Variants in DYNC1H1 observed in about 807,000 individuals in gnomAD.
DYNC1H1 encodes the protein cytoplasmic dynein 1 heavy chain 1.
DYNC1H1 carries 51 observed loss-of-function variants against 527.1 expected under a neutral mutation model. The ratio of observed to expected loss-of-function variants is 0.10; its 90% CI spans 0.08 to 0.12. DYNC1H1 has a LOEUF of 0.12. DYNC1H1 is among the 10% of genes least tolerant of loss of function. The pLI is 1.00. For missense variants in DYNC1H1, 2,771 were observed against 5,971.8 expected (o/e 0.46, Z 17.66); for synonymous variants, 2,189 against 2,278.8 (o/e 0.96, Z 1.12).
rs953983292 is a variant in DYNC1H1 at position 102,011,012 on chromosome 14, G to A, written c.6618+60G>A. ...CAGACCCTGCTGGCTTTAGTGTCTGGTAATGACAACCGTGGGCCCTTCGAT... is the reference window on the plus strand; with the variant it reads ...CAGACCCTGCTGGCTTTAGTGTCTGATAATGACAACCGTGGGCCCTTCGAT... On this transcript the variant is annotated intron_variant, in intron 32 of 77. Coordinates refer to ENST00000360184, the MANE Select transcript of DYNC1H1 (RefSeq NM_001376.5). This position sits in a 1 kb window ranked among gnomAD's most constrained non-coding sequence, Gnocchi z 5.3. 8.3e-6 allele frequency: 13 copies of A among 1,568,312 alleles called. No homozygotes were observed. Among genetic ancestry groups the A allele is most frequent in the Non-Finnish European group, 1.1e-5 (13 of 1,139,110 alleles).
rs2048240085 is a variant in DYNC1H1 at position 102,010,018 on chromosome 14, G to A, written c.6153G>A (p.Gln2051=). 6.2e-7 allele frequency: 1 copy of A among 1,614,030 alleles called. No homozygotes were observed. The highest frequency in any genetic ancestry group is 2.2e-5 in the East Asian group (1 of 44,880). ...MTKPDRQLIA[Q]VMLYSQGFRT... ...AGCCCGACCGGCAGTTAATCGCCCA[G>A]GTCATGCTGTACTCACAGGGTTTCC... Residue 2051 remains glutamine (Q), a synonymous_variant, in exon 30 of 78, where the codon CAG becomes CAA. Transcript: ENST00000360184. This position sits in a 1 kb window ranked among gnomAD's most constrained non-coding sequence, Gnocchi z 6.0.
In DYNC1H1 at chr14:102,016,754, C is replaced by A. The variant is rs1193724026; in HGVS notation, c.7615-12C>A. The A allele has an allele frequency of 6.2e-7, 1 of 1,612,764 alleles. No homozygotes were observed. Among genetic ancestry groups the A allele is most frequent in the Non-Finnish European group, 8.5e-7 (1 of 1,179,580 alleles). ...GTTGCAGCCGGACTCACACTTCCATCTCCGTGTGTAGGTGTCCATCAGCGG... is the reference window on the plus strand; with the variant it reads ...GTTGCAGCCGGACTCACACTTCCATATCCGTGTGTAGGTGTCCATCAGCGG... On this transcript the variant is annotated splice_polypyrimidine_tract_variant and intron_variant, in intron 37 of 77. Transcript: ENST00000360184. The surrounding 1 kb of genome is among the most constrained non-coding windows in gnomAD (Gnocchi z 7.3).
Position 102,044,752 on chromosome 14 carries a change from C to A in DYNC1H1, c.13006+54C>A. 7.2e-7 allele frequency: 1 copy of A among 1,391,380 alleles called. No homozygotes were observed. Among genetic ancestry groups the A allele is most frequent in the Non-Finnish European group, 9.8e-7 (1 of 1,015,278 alleles). 86.2% of individuals were successfully genotyped at this position (1,391,380 alleles called of 1,614,324 possible). A position where few individuals can be genotyped will look rare whatever the true frequency, so the allele number is the denominator to read the frequency against. On this transcript the variant is annotated intron_variant, in intron 72 of 77. Transcript: ENST00000360184. This position sits in a 1 kb window ranked among gnomAD's most constrained non-coding sequence, Gnocchi z 7.1. The stretch of plus-strand genomic sequence containing the variant: ...AGGGTGGGTGGCGAGGGTCCCCTCA[C>A]GCGGGGTGGGTGGCGAGGGTCCCCA...
chr14:102,016,885 A>G lies in DYNC1H1; in HGVS notation c.7734A>G (p.Glu2578=). The change falls in exon 38 of 78, where the codon GAA becomes GAG. Residue 2578 remains glutamate (E), a synonymous_variant. Transcript: ENST00000360184. This position sits in a 1 kb window ranked among gnomAD's most constrained non-coding sequence, Gnocchi z 7.3. ...CAACGCTGGACACAGTCCGCCACGA[A>G]GCCCTCTTGTACACTTGGCTGGCCG... ...VVPTLDTVRH[E]ALLYTWLAEH... 1 of 1,614,220 alleles carries G rather than the reference A, an allele frequency of 6.2e-7. No homozygotes were observed. The highest frequency in any genetic ancestry group is 8.5e-7 in the Non-Finnish European group (1 of 1,180,040).
chr14:101,977,346 C>T (rs930452908), intron 2 of DYNC1H1, among the ~76,000 whole-genome samples: 2 of 152,082 alleles, frequency 1.3e-5, no homozygotes, highest in Non-Finnish European at 2.9e-5. Context: ...GGAAGAGTTG[C>T]GTGAATAGTA....
intron 34 of DYNC1H1, among the ~76,000 whole-genome samples, chr14:102,014,771 A>C (rs1294552392): frequency 6.6e-6 from 1 of 152,096 alleles, no homozygotes; most frequent in African/African-American, 2.4e-5. Context: ...AATGGTGAAT[A>C]CTGTAGTGAT....
chr14:101,999,513 T>C (rs924514235), intron 16 of DYNC1H1, among the ~76,000 whole-genome samples: 1 of 152,230 alleles, frequency 6.6e-6, no homozygotes, highest in Non-Finnish European at 1.5e-5. Context: ...TCAACAGTTA[T>C]TAAAATGAAA....
chr14:102,025,652 G>A lies in DYNC1H1; in HGVS notation c.8638-922G>A, dbSNP rs538924340. Among the ~76,000 whole-genome samples the A allele has an allele frequency of 5.9e-5, 9 of 151,660 alleles. No individual in the cohort carries two copies. In the South Asian group the frequency reaches 1.7e-3, roughly 28 times the overall value. ...TGTGTATTGAGTGAGCAGTGGGTCCGTTTTCAGTTCTTTCCTTATGGACAC... is the reference window on the plus strand; with the variant it reads ...TGTGTATTGAGTGAGCAGTGGGTCCATTTTCAGTTCTTTCCTTATGGACAC... On this transcript the variant is annotated intron_variant, in intron 43 of 77. Coordinates refer to ENST00000360184, the MANE Select transcript of DYNC1H1 (RefSeq NM_001376.5).
At position 102,038,663 on chromosome 14, in the gene DYNC1H1, A is replaced by G. The variant is rs1168031959; in HGVS notation, c.11056-35A>G. Reference sequence around the variant, plus strand: ...TGGCAGGATGTGGTTTTGAAACTGGATTAAGACAGACTGTTCTGTTACCTA... The same window carrying G: ...TGGCAGGATGTGGTTTTGAAACTGGGTTAAGACAGACTGTTCTGTTACCTA... On this transcript the variant is annotated intron_variant, in intron 58 of 77. Coordinates refer to ENST00000360184, the MANE Select transcript of DYNC1H1 (RefSeq NM_001376.5). The surrounding 1 kb of genome is among the most constrained non-coding windows in gnomAD (Gnocchi z 7.2). 6.2e-7 allele frequency: 1 copy of G among 1,614,208 alleles called. No homozygotes were observed. Among genetic ancestry groups the G allele is most frequent in the Non-Finnish European group, 8.5e-7 (1 of 1,180,046 alleles).
chr14:102,000,821 G>T (rs1477227463), intron 18 of DYNC1H1, 133 bp from the exon 19 acceptor site: 2 of 787,546 alleles, frequency 2.5e-6, no homozygotes, highest in East Asian at 2.6e-5. Flanking sequence ...TGATCTGCTC[G>T]CCCGGCCTCC....
At chr14:101,974,794 A>G (rs996444864) in intron 1 of DYNC1H1, among the ~76,000 whole-genome samples, 1 of 152,164 alleles carries the variant, frequency 6.6e-6, no homozygotes, top group East Asian at 1.9e-4. Flanking sequence ...CAGCCTCCCA[A>G]AGTGCTGGGA....
rs749683759 is a variant in DYNC1H1, at chr14:102,016,771, C to T, written c.7620C>T (p.Ser2540=). The change falls in exon 38 of 78, where the codon TCC becomes TCT. Residue 2540 remains serine (S), a synonymous_variant. Transcript: ENST00000360184. The surrounding 1 kb of genome is among the most constrained non-coding windows in gnomAD (Gnocchi z 7.3). ...PNIPIIDYEV[S]ISGEWSPWQA... The stretch of plus-strand genomic sequence containing the variant: ...ACTTCCATCTCCGTGTGTAGGTGTC[C>T]ATCAGCGGAGAATGGTCTCCGTGGC... The T allele has an allele frequency of 5.0e-6, 8 of 1,613,582 alleles. No individual in the cohort carries two copies. The South Asian group carries it at 8.8e-5, about 18-fold the overall frequency.
chr14:102,044,324 C>T lies in DYNC1H1; in HGVS notation c.12735C>T (p.Thr4245=), dbSNP rs1473618192. 6.2e-7 allele frequency: 1 copy of T among 1,614,232 alleles called. No homozygotes were observed. The highest frequency in any genetic ancestry group is 1.7e-5 in the Admixed American group (1 of 60,030). ...AGATCCCGTGGTCTGCACTAAAGACCTTAATGGCCCAGTCCATTTATGGCG... is the reference window on the plus strand; with the variant it reads ...AGATCCCGTGGTCTGCACTAAAGACTTTAATGGCCCAGTCCATTTATGGCG... The part of the protein sequence containing the change: ...PDKIPWSALK[T]LMAQSIYGGR... The change falls in exon 71 of 78, where the codon ACC becomes ACT. Residue 4245 remains threonine (T), a synonymous_variant. Transcript: ENST00000360184. The surrounding 1 kb of genome is among the most constrained non-coding windows in gnomAD (Gnocchi z 7.1).
chr14:102,048,141 A>C, intron 73 of DYNC1H1, 113 bp downstream of exon 73: 1 of 1,351,610 alleles, frequency 7.4e-7, no homozygotes, highest in Non-Finnish European at 1.0e-6. Context: ...GAACGTACTC[A>C]CACCGGTGTC....
chr14:101,994,528 T>G (rs578066892), intron 12 of DYNC1H1, 145 bp from the exon 13 acceptor site: 2 of 1,325,596 alleles, frequency 1.5e-6, no homozygotes, highest in Non-Finnish European at 1.0e-6. Flanking sequence ...TTTTTTGATA[T>G]GAAAATTCTG....
intron 56 of DYNC1H1, chr14:102,034,812 G>C (rs1485811648): frequency 5.5e-6 from 2 of 366,362 alleles, no homozygotes; most frequent in East Asian, 6.8e-5. Flanking sequence ...TGTAATCCCA[G>C]TTACTCAGGA....
At position 102,015,422 on chromosome 14, in the gene DYNC1H1, A is replaced by G; in HGVS notation, c.7242+90A>G. The stretch of plus-strand genomic sequence containing the variant: ...GCTGTGTTGCCCACGCTGGTCTTGA[A>G]CTCCTGGGCCCAAGCAATCCACCTG... On this transcript the variant is annotated intron_variant, in intron 35 of 77. Transcript: ENST00000360184. The surrounding 1 kb of genome is among the most constrained non-coding windows in gnomAD (Gnocchi z 6.9). 1.4e-6 allele frequency: 2 copies of G among 1,420,124 alleles called. No homozygotes were observed. Among genetic ancestry groups the G allele is most frequent in the South Asian group, 1.4e-5 (1 of 72,938 alleles). 88.0% of individuals were successfully genotyped at this position (1,420,124 alleles called of 1,614,324 possible).
chr14:102,051,172 C>T lies in DYNC1H1; in HGVS notation c.*609C>T. The T allele has an allele frequency of 5.7e-6, 1 of 175,176 alleles. No homozygotes were observed. The highest frequency in any genetic ancestry group is 1.2e-5 in the Non-Finnish European group (1 of 81,998). 10.9% of individuals were successfully genotyped at this position (175,176 alleles called of 1,614,324 possible). ...CTTGAGGGCTGAGGTGGGAGGATCA[C>T]CCAAGCCCAAGAGGTCGAGGCTGCA... On this transcript the variant is annotated 3_prime_UTR_variant, in exon 78 of 78. Transcript: ENST00000360184.
At position 102,052,972 on chromosome 14, in the gene DYNC1H1, T is replaced by C. The variant is rs2048831158; in HGVS notation, c.*2409T>C. On this transcript the variant is annotated 3_prime_UTR_variant, in exon 78 of 78. Transcript: ENST00000360184. ...TCCAGTTGGAATGACTGGGGGTGTC[T>C]TCCGAATCGCCATCATAAAGATCTA... is the stretch of plus-strand genomic sequence containing the variant. 6.6e-6 allele frequency: 1 copy of C among 152,178 alleles called. No homozygotes were observed. Among genetic ancestry groups the C allele is most frequent in the African/African-American group, 2.4e-5 (1 of 41,428 alleles). 9.4% of individuals were successfully genotyped at this position (152,178 alleles called of 1,614,324 possible).
Sources: gnomAD v4.1 joint callset for allele counts (sites outside exome capture counted in the v4.1 genomes callset) on GRCh38, gnomAD v4.1.1 for gene constraint, Gnocchi (gnomAD v3.1) non-coding constraint, MANE v1.5 for transcripts, NCBI Gene and HGNC (gene_info 2026-07-23, HGNC 2026-07-21) for gene names.